The following LINGO2 variants were observed in gnomAD, a reference collection of about 807,000 sequenced individuals.
The protein encoded by LINGO2 is leucine rich repeat and Ig domain containing 2.
In LINGO2, 14 loss-of-function variants were observed where a neutral mutation model predicts 30.6. That is an observed-to-expected ratio of 0.46 (90% CI 0.30 to 0.72). LINGO2 has a LOEUF of 0.72. Ranked by LOEUF, LINGO2 falls within the 30% of genes least tolerant of loss-of-function variation. The pLI, the probability that LINGO2 is intolerant of heterozygous loss-of-function variation, is 0.07. For missense variants in LINGO2, 729 were observed against 751.7 expected (o/e 0.97, Z 0.35); for synonymous variants, 317 against 288.5 (o/e 1.10, Z -1.00).
chr9:28,055,299 A>G (rs1300396361), intron 4 of LINGO2, among the ~76,000 whole-genome samples: 2 of 152,088 alleles, frequency 1.3e-5, no homozygotes, highest in Non-Finnish European at 2.9e-5. Flanking sequence ...TGTGTTTTAA[A>G]TGGCTTAGTA....
chr9:28,612,829 T>A (rs564749697), intron 1 of LINGO2, among the ~76,000 whole-genome samples: 13 of 151,990 alleles, frequency 8.6e-5, no homozygotes, highest in Non-Finnish European at 1.5e-4. Context: ...GGACATAAGA[T>A]TTTGGGGGAG....
At chr9:28,277,837 C>CAAAAAAAAAAAAAAAAAAAAAAAAA (rs765748438) in intron 4 of LINGO2, among the ~76,000 whole-genome samples, 2 of 108,022 alleles carry the variant, frequency 1.9e-5, no homozygotes, top group African/African-American at 7.1e-5. Context: ...CAAAACAAAA[C>CAAAAAAAAAAAAAAAAAAAAAAAAA]AAAAAAAAAA....
chr9:29,111,492 A>AAT, the LINGO2 span, among the ~76,000 whole-genome samples: 1 of 151,904 alleles, frequency 6.6e-6, no homozygotes, highest in Non-Finnish European at 1.5e-5. Flanking sequence ...ATATCTATAT[A>AAT]ATATATATAC....
intron 1 of LINGO2, among the ~76,000 whole-genome samples, chr9:28,560,795 T>A (rs1412741695): frequency 6.6e-6 from 1 of 151,922 alleles, no homozygotes; most frequent in Non-Finnish European, 1.5e-5. Context: ...ACCTCCCAAG[T>A]AGCTGGAACC....
intron 2 of LINGO2, among the ~76,000 whole-genome samples, chr9:28,445,234 A>C (rs1466898529): frequency 3.9e-5 from 6 of 152,214 alleles, no homozygotes; most frequent in Non-Finnish European, 8.8e-5. Flanking sequence ...AACCCTTGTC[A>C]ATGGGAATGG....
At chr9:28,944,439 CTT>C in the LINGO2 span, among the ~76,000 whole-genome samples, 1 of 151,976 alleles carries the variant, frequency 6.6e-6, no homozygotes, top group Admixed American at 6.6e-5. Flanking sequence ...AACTCTCACT[CTT>C]GTCCCCCAGG....
the LINGO2 span, among the ~76,000 whole-genome samples, chr9:29,095,500 A>G: frequency 2.2e-5 from 3 of 138,276 alleles, 1 homozygote; most frequent in Non-Finnish European, 4.7e-5. Context: ...ACTCAAAGTC[A>G]TTTTTACCTG....
At chr9:28,011,798 C>A (rs1485207187) in intron 5 of LINGO2, among the ~76,000 whole-genome samples, 1 of 152,170 alleles carries the variant, frequency 6.6e-6, no homozygotes, top group Non-Finnish European at 1.5e-5. Flanking sequence ...TTATTCCTGG[C>A]AAGAGAAGTG....
chr9:28,526,011 G>C (rs1587806642), intron 1 of LINGO2, among the ~76,000 whole-genome samples: 1 of 126,310 alleles, frequency 7.9e-6, no homozygotes, highest in African/African-American at 3.1e-5. Flanking sequence ...AGCCGAGATT[G>C]CGCCACTGCA....
intron 5 of LINGO2, among the ~76,000 whole-genome samples, chr9:27,957,963 C>T (rs955835421): frequency 3.9e-5 from 6 of 152,126 alleles, no homozygotes; most frequent in Non-Finnish European, 5.9e-5. Context: ...TTTTGTCTTT[C>T]GCATTTGTTA....
rs111430646 is a variant in LINGO2 at position 28,518,181 on chromosome 9, A to G, written c.-364-42156T>C. Among the ~76,000 whole-genome samples, 1,045 of 152,278 alleles carry G rather than the reference A, an allele frequency of 6.9e-3. 9 individuals carry two copies. Among genetic ancestry groups the G allele is most frequent in the Non-Finnish European group, 0.011 (730 of 68,010 alleles). On this transcript the variant is annotated intron_variant, in intron 1 of 5. Coordinates refer to ENST00000379992, the Ensembl canonical transcript of LINGO2. The stretch of plus-strand genomic sequence containing the variant: ...CCCACAACTACCACCCCATTTTAAA[A>G]ATGAGAAAATGAACCTAAGAGATGA...
At chr9:28,152,532 C>T (rs542138918) in intron 4 of LINGO2, among the ~76,000 whole-genome samples, 1 of 151,930 alleles carries the variant, frequency 6.6e-6, no homozygotes, top group African/African-American at 2.4e-5. Context: ...CAGGATAAGC[C>T]CAAGTGGAAT....
At chr9:28,058,458 C>A (rs1825030734) in intron 4 of LINGO2, among the ~76,000 whole-genome samples, 1 of 152,114 alleles carries the variant, frequency 6.6e-6, no homozygotes, top group African/African-American at 2.4e-5. Flanking sequence ...TGACATAACT[C>A]ATTCTTTCTT....
the LINGO2 span, among the ~76,000 whole-genome samples, chr9:29,121,654 G>A: frequency 9.2e-5 from 14 of 152,138 alleles, no homozygotes. Context: ...TTAAGATCAA[G>A]ACTCTCCAGA....
At chr9:28,067,452 G>T (rs1466251145) in intron 4 of LINGO2, among the ~76,000 whole-genome samples, 2 of 152,116 alleles carry the variant, frequency 1.3e-5, no homozygotes, top group Non-Finnish European at 2.9e-5. Flanking sequence ...AAAAAGTTCA[G>T]ATTTTTGTGC....
At chr9:28,004,866 AG>A (rs559833692) in intron 5 of LINGO2, among the ~76,000 whole-genome samples, 64 of 152,332 alleles carry the variant, frequency 4.2e-4, no homozygotes, top group African/African-American at 1.5e-3. Flanking sequence ...TTTTGGTAGC[AG>A]GTATGTATAT....
chr9:28,633,066 A>G (rs1429942774), intron 1 of LINGO2, among the ~76,000 whole-genome samples: 2 of 151,648 alleles, frequency 1.3e-5, no homozygotes. Context: ...CATCCAGCAT[A>G]GGAGAAAGAT....
intron 2 of LINGO2, among the ~76,000 whole-genome samples, chr9:28,456,643 T>C (rs548999202): frequency 3.3e-5 from 5 of 152,144 alleles, no homozygotes; most frequent in Non-Finnish European, 4.4e-5. Context: ...GTGCCATCTT[T>C]CTCTATCCCA....
At chr9:27,947,060 C>G (rs1823393506), downstream of LINGO2, among the ~76,000 whole-genome samples, 1 of 152,134 alleles carries the variant, frequency 6.6e-6, no homozygotes, top group South Asian at 2.1e-4. Context: ...ACTTTCTACT[C>G]CAGCTTACAT....
Sources: gnomAD v4.1 joint callset for allele counts (sites outside exome capture counted in the v4.1 genomes callset) on GRCh38, gnomAD v4.1.1 for gene constraint, MANE v1.5 for transcripts, NCBI Gene and HGNC (gene_info 2026-07-23, HGNC 2026-07-21) for gene names.